PNPLA6: variants seen among roughly 807,000 people sequenced by gnomAD.
The protein encoded by PNPLA6 is patatin like domain 6, lysophospholipase.
A neutral mutation model predicts 153.7 loss-of-function variants in PNPLA6; 105 were observed. That is an observed-to-expected ratio of 0.68 (90% confidence interval 0.58 to 0.80). PNPLA6 has a LOEUF of 0.80. Among genes scored for constraint, PNPLA6 ranks in the 30% least tolerant of loss-of-function variants. The pLI is 0.00. For missense variants in PNPLA6, 1,423 were observed against 1,919.3 expected, an observed-to-expected ratio of 0.74 and a Z score of 4.83; for synonymous variants, 825 against 822.2, an observed-to-expected ratio of 1.00 and a Z score of -0.06.
In PNPLA6 at chr19:7,555,973, A is replaced by T. The variant is rs1457522138; in HGVS notation, c.3093+210A>T. Among the ~76,000 whole-genome samples, 1 of 150,962 alleles carries T rather than the reference A, an allele frequency of 6.6e-6. No homozygotes were observed. The highest frequency in any genetic ancestry group is 2.4e-5 in the African/African-American group (1 of 40,986). ...CTCCTGTCTACTGACCCTAACCCAT[A>T]ACCCCCAACGAGAGCACCCAGGGCC... On this transcript the variant is annotated intron_variant, in intron 24 of 31. Coordinates refer to ENST00000600737, the MANE Select transcript of PNPLA6 (RefSeq NM_001166114.2). The surrounding 1 kb of genome is among the most constrained non-coding windows in gnomAD (Gnocchi z 6.3).
At chr19:7,550,730 T>A (rs1215877578) in intron 16 of PNPLA6, 90 bp downstream of exon 16, 2 of 1,500,328 alleles carry the variant, frequency 1.3e-6, no homozygotes, top group East Asian at 4.7e-5. Context: ...ATCCAGGGAG[T>A]GGTGAATGCA....
intron 18 of PNPLA6, among the ~76,000 whole-genome samples, chr19:7,552,457 C>A (rs1307273626): frequency 1.3e-5 from 2 of 152,138 alleles, no homozygotes; most frequent in Non-Finnish European, 2.9e-5. Context: ...GAAAAGACAT[C>A]ATTAAGAAAT....
At chr19:7,556,831 C>T in intron 26 of PNPLA6, 107 bp downstream of exon 26, 5 of 860,342 alleles carry the variant, frequency 5.8e-6, no homozygotes, top group Non-Finnish European at 7.9e-6. Context: ...CACGAGTGAC[C>T]GTCCACCCTG....
At position 7,541,927 on chromosome 19, in the gene PNPLA6, C is replaced by A. The variant is rs1299037681; in HGVS notation, c.1169-57C>A. On this transcript the variant is annotated intron_variant, in intron 9 of 31. Coordinates refer to ENST00000600737, the MANE Select transcript of PNPLA6 (RefSeq NM_001166114.2). The surrounding 1 kb of genome is among the most constrained non-coding windows in gnomAD (Gnocchi z 5.2). ...CGCCAGCATCTCCTTATCTCCCAAC[C>A]TGCTAATCCTCCTAGTGGCTCTGAG... is the stretch of plus-strand genomic sequence containing the variant. The A allele has an allele frequency of 6.9e-7, 1 of 1,454,528 alleles. No individual in the cohort carries two copies. The highest frequency in any genetic ancestry group is 9.6e-7 in the Non-Finnish European group (1 of 1,043,114). The allele number at this position is 1,454,528 out of a possible 1,614,324, so 90.1% of individuals were successfully genotyped here.
intron 13 of PNPLA6, chr19:7,549,645 C>T (rs932293332): frequency 2.1e-4 from 109 of 521,860 alleles, no homozygotes; most frequent in Admixed American, 3.5e-4. Context: ...TGTGCCACGA[C>T]GCCCAGCTAA....
Position 7,555,501 on chromosome 19 carries a change from G to T in PNPLA6, c.2937-106G>T. The T allele has an allele frequency of 2.1e-6, 3 of 1,413,630 alleles. No individual in the cohort carries two copies. Among genetic ancestry groups the T allele is most frequent in the Non-Finnish European group, 2.9e-6 (3 of 1,029,100 alleles). 87.6% of individuals were successfully genotyped at this position (1,413,630 alleles called of 1,614,324 possible). A position where few individuals can be genotyped will look rare whatever the true frequency, so the allele number is the denominator to read the frequency against. On this transcript the variant is annotated intron_variant, in intron 23 of 31. Coordinates refer to ENST00000600737, the MANE Select transcript of PNPLA6 (RefSeq NM_001166114.2). This position sits in a 1 kb window ranked among gnomAD's most constrained non-coding sequence, Gnocchi z 6.3. Reference sequence around the variant, plus strand: ...CTCCGGGAGAGACCCCGTGGGTAGGGGCGGGTCCTTTGTTCCTTAGCAGTG... The same window carrying T: ...CTCCGGGAGAGACCCCGTGGGTAGGTGCGGGTCCTTTGTTCCTTAGCAGTG...
intron 3 of PNPLA6, among the ~76,000 whole-genome samples, chr19:7,537,683 C>A (rs2022940251): frequency 6.6e-6 from 1 of 152,160 alleles, no homozygotes; most frequent in Non-Finnish European, 1.5e-5. Context: ...TGCTCTGTCA[C>A]TAGGCTAGAG....
At position 7,541,006 on chromosome 19, in the gene PNPLA6, C is replaced by G; in HGVS notation, c.879C>G (p.Ser293=). 1 of 1,611,238 alleles carries G rather than the reference C, an allele frequency of 6.2e-7. No individual in the cohort carries two copies. The highest frequency in any genetic ancestry group is 8.5e-7 in the Non-Finnish European group (1 of 1,179,310). Residue 293 remains serine, a synonymous_variant, in exon 7 of 32, where the codon TCC becomes TCG. Coordinates refer to ENST00000600737, the MANE Select transcript of PNPLA6 (RefSeq NM_001166114.2). This position sits in a 1 kb window ranked among gnomAD's most constrained non-coding sequence, Gnocchi z 5.2. ...TGCGCCTGCCGGTGGAAGCATTCTCCGCGGTCTTCACCAAGTACCCGGAGA... is the reference window on the plus strand; with the variant it reads ...TGCGCCTGCCGGTGGAAGCATTCTCGGCGGTCTTCACCAAGTACCCGGAGA... ...TVLRLPVEAF[S]AVFTKYPESL...
rs768676777 is a variant in PNPLA6 at position 7,559,176 on chromosome 19, G to A, written c.3699+25G>A. 5 of 1,603,854 alleles carry A rather than the reference G, an allele frequency of 3.1e-6. No homozygotes were observed. In the Admixed American group the frequency reaches 5.0e-5, roughly 16 times the overall value. ...TGTGAGTGGGCAGGAGTGGCATGGT[G>A]CCTGCATAGGTGGTCCGGCTAAGCT... On this transcript the variant is annotated intron_variant, in intron 28 of 31. Coordinates refer to ENST00000600737, the MANE Select transcript of PNPLA6 (RefSeq NM_001166114.2).
chr19:7,541,219 C>A lies in PNPLA6; in HGVS notation c.925-135C>A. 2.8e-6 allele frequency: 3 copies of A among 1,086,526 alleles called. No homozygotes were observed. The allele number at this position is 1,086,526 out of a possible 1,614,324, so 67.3% of individuals were successfully genotyped here. Reference sequence around the variant, plus strand: ...CCGCGGACTCCTCCCTTAGCTGCCTCGCCCCATTTCCCCAGACTGTGGGTC... The same window carrying A: ...CCGCGGACTCCTCCCTTAGCTGCCTAGCCCCATTTCCCCAGACTGTGGGTC... On this transcript the variant is annotated intron_variant, in intron 7 of 31. Coordinates refer to ENST00000600737, the MANE Select transcript of PNPLA6 (RefSeq NM_001166114.2). This position sits in a 1 kb window ranked among gnomAD's most constrained non-coding sequence, Gnocchi z 5.2.
At chr19:7,558,638 TAAAAC>T (rs2023983972) in intron 27 of PNPLA6, among the ~76,000 whole-genome samples, 2 of 151,878 alleles carry the variant, frequency 1.3e-5, no homozygotes, top group African/African-American at 4.8e-5. Context: ...TCTCAGAAAA[TAAAAC>T]AAAACCTCCC....
At position 7,555,481 on chromosome 19, in the gene PNPLA6, G is replaced by A. The variant is rs1411772575; in HGVS notation, c.2936+114G>A. On this transcript the variant is annotated intron_variant, in intron 23 of 31. Transcript: ENST00000600737. This position sits in a 1 kb window ranked among gnomAD's most constrained non-coding sequence, Gnocchi z 6.3. ...GTTCGAGGGTGGAGCTTCCCCTCCG[G>A]GAGAGACCCCGTGGGTAGGGGCGGG... 3 of 1,368,326 alleles carry A rather than the reference G, an allele frequency of 2.2e-6. No individual in the cohort carries two copies. The Admixed American group carries it at 6.0e-5, about 27-fold the overall frequency. The allele number at this position is 1,368,326 out of a possible 1,614,324, so 84.8% of individuals were successfully genotyped here. A position where few individuals can be genotyped will look rare whatever the true frequency, so the allele number is the denominator to read the frequency against.
Position 7,554,592 on chromosome 19 carries a change from C to G in PNPLA6, c.2503C>G (p.Gln835Glu), listed in dbSNP as rs1001173506. 1.1e-5 allele frequency: 18 copies of G among 1,613,948 alleles called. No homozygotes were observed. The highest frequency in any genetic ancestry group is 1.4e-5 in the Non-Finnish European group (17 of 1,180,008). Residue 835 changes from glutamine to glutamate, a missense_variant, in exon 21 of 32, where the codon CAG becomes GAG. Physicochemically the swap from Gln to Glu is conservative, Grantham distance 29. Coordinates refer to ENST00000600737, the MANE Select transcript of PNPLA6 (RefSeq NM_001166114.2). Reference sequence around the variant, plus strand: ...CCGGCTGTCAGGGTGGCTGGCCCAGCAGGAGGATGCACACCGTATCGTACT... The same window carrying G: ...CCGGCTGTCAGGGTGGCTGGCCCAGGAGGAGGATGCACACCGTATCGTACT... Reference protein sequence around the residue: ...EFRLSGWLAQQEDAHRIVLYQ... With the variant: ...EFRLSGWLAQEEDAHRIVLYQ...
rs2146117176 is a variant in PNPLA6, at chr19:7,559,164, G to A, written c.3699+13G>A. On this transcript the variant is annotated intron_variant, in intron 28 of 31. Coordinates refer to ENST00000600737, the MANE Select transcript of PNPLA6 (RefSeq NM_001166114.2). Reference sequence around the variant, plus strand: ...CGACCAGATCTATGTGAGTGGGCAGGAGTGGCATGGTGCCTGCATAGGTGG... The same window carrying A: ...CGACCAGATCTATGTGAGTGGGCAGAAGTGGCATGGTGCCTGCATAGGTGG... 1.2e-6 allele frequency: 2 copies of A among 1,612,480 alleles called. No homozygotes were observed. The highest frequency in any genetic ancestry group is 2.2e-5 in the South Asian group (2 of 91,062).
rs1401990873 is a variant in PNPLA6, at chr19:7,555,574, C to CTA, written c.2937-32_2937-31dup. On this transcript the variant is annotated intron_variant, in intron 23 of 31. Coordinates refer to ENST00000600737, the MANE Select transcript of PNPLA6 (RefSeq NM_001166114.2). The surrounding 1 kb of genome is among the most constrained non-coding windows in gnomAD (Gnocchi z 6.3). ...GCAGGGGAGTTCCTGCAGGTGGGGC[C>CTA]TAGCGGGTCACTGGGGCCCATTTTC... 6.2e-7 allele frequency: 1 copy of CTA among 1,608,604 alleles called. No individual in the cohort carries two copies. Among genetic ancestry groups the CTA allele is most frequent in the Admixed American group, 1.7e-5 (1 of 59,758 alleles).
chr19:7,560,769 G>A lies in PNPLA6; in HGVS notation c.3816+5G>A, dbSNP rs1223083963. ...AATGAGAGCCGCCGTGCAGACGTAA[G>A]CCTGTGATGCCCCCAGGGCCACTCT... On this transcript the variant is annotated splice_donor_5th_base_variant and intron_variant, in intron 29 of 31. Coordinates refer to ENST00000600737, the MANE Select transcript of PNPLA6 (RefSeq NM_001166114.2). 6.4e-7 allele frequency: 1 copy of A among 1,553,726 alleles called. No individual in the cohort carries two copies. The highest frequency in any genetic ancestry group is 8.9e-7 in the Non-Finnish European group (1 of 1,125,288).
intron 27 of PNPLA6, 136 bp from the exon 28 acceptor site, chr19:7,558,714 T>G: frequency 6.0e-6 from 4 of 664,834 alleles, no homozygotes; most frequent in African/African-American, 1.8e-5. Flanking sequence ...CATGACAGCA[T>G]GGTGTTTGCA....
In PNPLA6 at chr19:7,540,717, G is replaced by A; in HGVS notation, c.795+7G>A. The A allele has an allele frequency of 6.2e-7, 1 of 1,611,388 alleles. No homozygotes were observed. Among genetic ancestry groups the A allele is most frequent in the Non-Finnish European group, 8.5e-7 (1 of 1,177,510 alleles). On this transcript the variant is annotated splice_region_variant and intron_variant, in intron 6 of 31. Coordinates refer to ENST00000600737, the MANE Select transcript of PNPLA6 (RefSeq NM_001166114.2). This position sits in a 1 kb window ranked among gnomAD's most constrained non-coding sequence, Gnocchi z 6.8. Reference sequence around the variant, plus strand: ...CATCCTGGATGTCATCACCGTGAGTGACCAGTTTCTGAGGCAGGGGGGCTG... The same window carrying A: ...CATCCTGGATGTCATCACCGTGAGTAACCAGTTTCTGAGGCAGGGGGGCTG...
intron 13 of PNPLA6, among the ~76,000 whole-genome samples, chr19:7,544,501 C>G (rs2023299673): frequency 6.6e-6 from 1 of 152,194 alleles, no homozygotes; most frequent in Admixed American, 6.5e-5. Flanking sequence ...ATGTACAGAG[C>G]AGCAGGCCGG....
Sources: gnomAD v4.1 joint callset for allele counts (sites outside exome capture counted in the v4.1 genomes callset) on GRCh38, gnomAD v4.1.1 for gene constraint, Gnocchi (gnomAD v3.1) non-coding constraint, MANE v1.5 for transcripts, NCBI Gene and HGNC (gene_info 2026-07-23, HGNC 2026-07-21) for gene names.